Variants in HIVEP2 observed in about 807,000 individuals in gnomAD.
HIVEP2 encodes the protein transcription factor HIVEP2.
HIVEP2 carries 14 observed loss-of-function variants against 180.7 expected under a neutral mutation model. That is an observed-to-expected ratio of 0.08 (90% CI 0.05 to 0.12). The LOEUF (loss-of-function observed/expected upper bound fraction) is 0.12. HIVEP2 is among the 10% of genes least tolerant of loss of function. HIVEP2 has a pLI of 1.00. For missense variants in HIVEP2, 2,579 were observed against 3,008.5 expected, an observed-to-expected ratio of 0.86 and a Z score of 3.34; for synonymous variants, 1,184 against 1,136.4, an observed-to-expected ratio of 1.04 and a Z score of -0.84.
At chr6:142,886,520 A>T (rs1776702966) in intron 1 of HIVEP2, among the ~76,000 whole-genome samples, 1 of 152,218 alleles carries the variant, frequency 6.6e-6, no homozygotes, top group African/African-American at 2.4e-5. Flanking sequence ...TGCCTTAAGC[A>T]AATGTGCTGA....
At chr6:142,883,200 A>AG (rs2128417640) in intron 1 of HIVEP2, among the ~76,000 whole-genome samples, 1 of 152,188 alleles carries the variant, frequency 6.6e-6, no homozygotes, top group African/African-American at 2.4e-5. Flanking sequence ...GGAGAGAGAA[A>AG]GGGGGGAAAA....
chr6:142,935,446 G>C (rs1778029647), intron 1 of HIVEP2, among the ~76,000 whole-genome samples: 2 of 152,186 alleles, frequency 1.3e-5, no homozygotes, highest in Non-Finnish European at 2.9e-5. Context: ...CTACTTGGGA[G>C]GCTGAGGTGG....
At chr6:142,878,040 A>C (rs1019597430) in intron 1 of HIVEP2, among the ~76,000 whole-genome samples, 1 of 152,132 alleles carries the variant, frequency 6.6e-6, no homozygotes, top group African/African-American at 2.4e-5. Flanking sequence ...CCAATATATT[A>C]TTTAACTAAT....
At position 142,911,444 on chromosome 6, in the gene HIVEP2, A is replaced by G. The variant is rs1290327972; in HGVS notation, c.-641+33655T>C. Among the ~76,000 whole-genome samples, 6 of 152,230 alleles carry G rather than the reference A, an allele frequency of 3.9e-5. No homozygotes were observed. In the East Asian group the frequency reaches 1.2e-3, roughly 29 times the overall value. ...AAGAGAAGTGTCCTGCAGGCTTATTAAAAAGATGAGATATTGGTTTGGGAA... is the reference window on the plus strand; with the variant it reads ...AAGAGAAGTGTCCTGCAGGCTTATTGAAAAGATGAGATATTGGTTTGGGAA... On this transcript the variant is annotated intron_variant, in intron 1 of 9. Coordinates refer to ENST00000367603, the MANE Select transcript of HIVEP2 (RefSeq NM_006734.4).
At chr6:142,891,261 T>A (rs1776853348) in intron 1 of HIVEP2, among the ~76,000 whole-genome samples, 1 of 152,058 alleles carries the variant, frequency 6.6e-6, no homozygotes, top group Admixed American at 6.5e-5. Context: ...AGAACTCCTG[T>A]TCTTGTACTC....
rs778402669 is a variant in HIVEP2, at chr6:142,770,139, T to C, written c.4600A>G (p.Arg1534Gly). The C allele has an allele frequency of 1.1e-5, 17 of 1,614,086 alleles. No individual in the cohort carries two copies. ...QDYPSVSPSSREPFLPSKEML... is the reference protein window; with the variant it reads ...QDYPSVSPSSGEPFLPSKEML... ...TCCTTGCTGGGCAGGAATGGCTCCC[T>C]GGAAGACGGGCTAACAGAAGGATAG... Residue 1534 changes from arginine to glycine, a missense_variant, in exon 5 of 10, where the codon AGG becomes GGG. By Grantham distance (125) the Arg-to-Gly change is moderately radical (BLOSUM62 -2). Coordinates refer to ENST00000367603, the MANE Select transcript of HIVEP2 (RefSeq NM_006734.4). The surrounding 1 kb of genome is among the most constrained non-coding windows in gnomAD (Gnocchi z 4.7).
At chr6:142,894,554 T>A (rs1305066105) in intron 1 of HIVEP2, among the ~76,000 whole-genome samples, 1 of 152,222 alleles carries the variant, frequency 6.6e-6, no homozygotes, top group Non-Finnish European at 1.5e-5. Flanking sequence ...CTATTTTACA[T>A]AATAATTTTT....
chr6:142,932,709 T>C (rs1253071880), intron 1 of HIVEP2, among the ~76,000 whole-genome samples: 1 of 152,220 alleles, frequency 6.6e-6, no homozygotes, highest in Non-Finnish European at 1.5e-5. Context: ...CAACTGCTGG[T>C]AACTAGAAAT....
At chr6:142,867,004 T>C (rs867801260) in intron 1 of HIVEP2, among the ~76,000 whole-genome samples, 1 of 152,248 alleles carries the variant, frequency 6.6e-6, no homozygotes, top group East Asian at 1.9e-4. Context: ...ATCCAGAGGG[T>C]TATAAGAAAT....
In HIVEP2 at chr6:142,767,291, G is replaced by T. The variant is rs184992722; in HGVS notation, c.5342+1091C>A. Among the ~76,000 whole-genome samples the T allele has an allele frequency of 3.8e-3, 571 of 152,206 alleles. 6 individuals carry two copies. The highest frequency in any genetic ancestry group is 0.013 in the African/African-American group (548 of 41,528). On this transcript the variant is annotated intron_variant, in intron 6 of 9. Coordinates refer to ENST00000367603, the MANE Select transcript of HIVEP2 (RefSeq NM_006734.4). The stretch of plus-strand genomic sequence containing the variant: ...CTCTCGTTTGTGTTAAAAGATGGGG[G>T]ATGTCAAAAAAATATCAAGACAAGC...
chr6:142,929,802 C>T (rs979156529), intron 1 of HIVEP2, among the ~76,000 whole-genome samples: 3 of 152,032 alleles, frequency 2.0e-5, no homozygotes, highest in Non-Finnish European at 2.9e-5. Flanking sequence ...AAGTTGTTAC[C>T]ATAATGTTTG....
At chr6:142,785,671 T>C (rs1775982004) in intron 2 of HIVEP2, among the ~76,000 whole-genome samples, 1 of 152,242 alleles carries the variant, frequency 6.6e-6, no homozygotes. Context: ...TGACTCCGTT[T>C]TTCCAGTCTT....
Position 142,771,489 on chromosome 6 carries a change from C to G in HIVEP2, c.3250G>C (p.Ala1084Pro). ...ATTTCTGGGGAGCCACTGAAGGAAG[C>G]TTGCCGCACCAGAAAGCATTTCTTC... ...ERKKCFLVRQASFSGSPEISQ... is the reference protein window; with the variant it reads ...ERKKCFLVRQPSFSGSPEISQ... Residue 1084 changes from alanine (A) to proline (P), a missense_variant, in exon 5 of 10, where the codon GCT becomes CCT. Around this residue, in one of 11 missense-constraint regions of HIVEP2, gnomAD observed 523 missense variants for 577.0 expected, o/e 0.91. Transcript: ENST00000367603. This position sits in a 1 kb window ranked among gnomAD's most constrained non-coding sequence, Gnocchi z 5.4. 6.2e-6 allele frequency: 10 copies of G among 1,613,668 alleles called. No individual in the cohort carries two copies. Among genetic ancestry groups the G allele is most frequent in the Non-Finnish European group, 8.5e-6 (10 of 1,180,036 alleles).
At chr6:142,860,173 T>G (rs1159686074) in intron 1 of HIVEP2, among the ~76,000 whole-genome samples, 1 of 152,210 alleles carries the variant, frequency 6.6e-6, no homozygotes, top group African/African-American at 2.4e-5. Context: ...TTGTATGTTA[T>G]GTACATGTAT....
At chr6:142,862,901 T>G in intron 1 of HIVEP2, among the ~76,000 whole-genome samples, 1 of 41,110 alleles carries the variant, frequency 2.4e-5, no homozygotes, top group East Asian at 3.1e-4. Context: ...ATATAATAGA[T>G]TATATGTATT....
intron 1 of HIVEP2, among the ~76,000 whole-genome samples, chr6:142,881,091 T>C (rs947606634): frequency 3.3e-5 from 5 of 152,242 alleles, no homozygotes; most frequent in Admixed American, 1.3e-4. Context: ...TTTTACTGTA[T>C]GTTTCTGAAC....
At chr6:142,938,620 A>C (rs753754215) in intron 1 of HIVEP2, among the ~76,000 whole-genome samples, 41 of 152,340 alleles carry the variant, frequency 2.7e-4, no homozygotes, top group Non-Finnish European at 5.0e-4. Context: ...GTGTGTATGC[A>C]CACGTGCAAA....
chr6:142,919,278 C>A (rs1273798736), intron 1 of HIVEP2, among the ~76,000 whole-genome samples: 1 of 152,018 alleles, frequency 6.6e-6, no homozygotes, highest in African/African-American at 2.4e-5. Flanking sequence ...TGTTAAATGC[C>A]CTTTATGTGA....
intron 1 of HIVEP2, among the ~76,000 whole-genome samples, chr6:142,837,825 G>A (rs1409875106): frequency 6.6e-6 from 1 of 152,058 alleles, no homozygotes; most frequent in Admixed American, 6.6e-5. Context: ...GAGCAGAAGA[G>A]TGAAATAGAA....
Sources: gnomAD v4.1 joint callset for allele counts (sites outside exome capture counted in the v4.1 genomes callset) on GRCh38, gnomAD v4.1.1 for gene constraint, gnomAD v4.1.1 regional missense constraint, Gnocchi (gnomAD v3.1) non-coding constraint, MANE v1.5 for transcripts, NCBI Gene and HGNC (gene_info 2026-07-23, HGNC 2026-07-21) for gene names.